Variants in PAG1 observed in about 807,000 individuals in gnomAD.
PAG1 encodes the protein phosphoprotein associated with glycosphingolipid-enriched microdomains 1.
In PAG1, 23 loss-of-function variants were observed where a neutral mutation model predicts 31.7. The observed-to-expected ratio is 0.73, with a 90% CI of 0.52 to 1.03. PAG1 has a LOEUF of 1.03. Among genes scored for constraint, PAG1 ranks in the 50% least tolerant of loss-of-function variants. PAG1 has a pLI of 0.00. For synonymous variants in PAG1, 214 were observed against 210.3 expected (o/e 1.02, Z -0.15); for missense variants, 473 against 540.7 (o/e 0.87, Z 1.24).
chr8:81,060,689 T>C (rs2130922105), intron 2 of PAG1, among the ~76,000 whole-genome samples: 1 of 152,338 alleles, frequency 6.6e-6, no homozygotes, highest in South Asian at 2.1e-4. Flanking sequence ...CTCTATATTA[T>C]TGAAAATCAA....
intron 7 of PAG1, among the ~76,000 whole-genome samples, chr8:80,984,382 G>C (rs1807370580): frequency 6.6e-6 from 1 of 152,132 alleles, no homozygotes; most frequent in African/African-American, 2.4e-5. Flanking sequence ...TATGCATGCT[G>C]ATTTTTGGGG....
At chr8:81,107,381 T>C (rs772945472) in intron 1 of PAG1, among the ~76,000 whole-genome samples, 1 of 152,210 alleles carries the variant, frequency 6.6e-6, no homozygotes, top group Non-Finnish European at 1.5e-5. Flanking sequence ...ATCTATATTA[T>C]GTAATATATA....
At chr8:81,009,063 AC>A (rs1340803249) in intron 3 of PAG1, among the ~76,000 whole-genome samples, 2 of 152,214 alleles carry the variant, frequency 1.3e-5, no homozygotes, top group Admixed American at 6.5e-5. Flanking sequence ...AACTACACAT[AC>A]AAAAATCATA....
In PAG1 at chr8:80,976,253, A is replaced by G. The variant is rs138425945; in HGVS notation, c.*291T>C. 2.7e-4 allele frequency: 94 copies of G among 346,630 alleles called. No individual in the cohort carries two copies. The highest frequency in any genetic ancestry group is 1.9e-3 in the African/African-American group (88 of 47,234). 21.5% of individuals were successfully genotyped at this position (346,630 alleles called of 1,614,324 possible). On this transcript the variant is annotated 3_prime_UTR_variant, in exon 9 of 9. Transcript: ENST00000220597. Reference sequence around the variant, plus strand: ...CAGCTTGGCTTTCCTCACTAATGAGATGAGACCACTGACAGCTGGGATCTT... The same window carrying G: ...CAGCTTGGCTTTCCTCACTAATGAGGTGAGACCACTGACAGCTGGGATCTT...
chr8:81,056,868 T>C (rs572263749), intron 2 of PAG1, among the ~76,000 whole-genome samples: 129 of 152,044 alleles, frequency 8.5e-4, no homozygotes, highest in Non-Finnish European at 1.5e-3. Flanking sequence ...CAAAGAAATT[T>C]ACAAGAAAAA....
chr8:80,982,535 G>A (rs776985891), intron 7 of PAG1, among the ~76,000 whole-genome samples: 2 of 152,128 alleles, frequency 1.3e-5, no homozygotes, highest in Non-Finnish European at 2.9e-5. Flanking sequence ...CCAATCTCAT[G>A]ACTTTTAAAA....
chr8:81,007,288 T>C (rs976712337), intron 3 of PAG1, among the ~76,000 whole-genome samples: 2 of 151,966 alleles, frequency 1.3e-5, no homozygotes, highest in Admixed American at 6.6e-5. Flanking sequence ...AAAAGAAACA[T>C]GGATCTCATG....
At chr8:81,072,537 T>C (rs911321979) in intron 1 of PAG1, among the ~76,000 whole-genome samples, 4 of 152,296 alleles carry the variant, frequency 2.6e-5, no homozygotes, top group African/African-American at 4.8e-5. Context: ...AAATGAATGA[T>C]GACTTATTAA....
intron 1 of PAG1, among the ~76,000 whole-genome samples, chr8:81,097,343 A>G (rs769385576): frequency 2.0e-5 from 3 of 152,202 alleles, no homozygotes; most frequent in Non-Finnish European, 2.9e-5. Flanking sequence ...TGCGGCAGCA[A>G]TAAGGTGAGG....
intron 2 of PAG1, among the ~76,000 whole-genome samples, chr8:81,061,205 T>A (rs1325170992): frequency 2.0e-5 from 3 of 151,866 alleles, no homozygotes; most frequent in Non-Finnish European, 4.4e-5. Flanking sequence ...CTCACGGGGG[T>A]AAATTAAATA....
rs974554596 is a variant in PAG1 at position 80,974,307 on chromosome 8, T to C, written c.*2237A>G. On this transcript the variant is annotated 3_prime_UTR_variant, in exon 9 of 9. Transcript: ENST00000220597. ...ACAATGCTAGGTGTGTAAGATGACA[T>C]GGCTGTTACCATGTACTAAAGAACC... is the stretch of plus-strand genomic sequence containing the variant. The C allele has an allele frequency of 5.3e-5, 8 of 152,304 alleles. No individual in the cohort carries two copies. The highest frequency in any genetic ancestry group is 1.2e-4 in the Non-Finnish European group (8 of 68,022). The allele number at this position is 152,304 out of a possible 1,614,324, so 9.4% of individuals were successfully genotyped here.
At chr8:81,000,772 A>G (rs1297623550) in intron 3 of PAG1, among the ~76,000 whole-genome samples, 1 of 152,184 alleles carries the variant, frequency 6.6e-6, no homozygotes, top group Non-Finnish European at 1.5e-5. Context: ...TGGAATGAAC[A>G]CAGCCATCTG....
rs188914556 is a variant in PAG1, at chr8:80,987,674, T to C, written c.178-208A>G. 198 of 492,512 alleles carry C rather than the reference T, an allele frequency of 4.0e-4. 2 individuals are homozygous for C. The highest frequency in any genetic ancestry group is 3.1e-3 in the African/African-American group (158 of 51,512). 30.5% of individuals were successfully genotyped at this position (492,512 alleles called of 1,614,324 possible). Reference sequence around the variant, plus strand: ...TAAAACCATGAGTAGTACTGAACCCTATATAGACTATGTCTTTTCCTATCC... The same window carrying C: ...TAAAACCATGAGTAGTACTGAACCCCATATAGACTATGTCTTTTCCTATCC... On this transcript the variant is annotated intron_variant, in intron 5 of 8. Coordinates refer to ENST00000220597, the MANE Select transcript of PAG1 (RefSeq NM_018440.4).
chr8:80,986,728 A>G (rs527444919), intron 6 of PAG1, among the ~76,000 whole-genome samples: 1 of 148,178 alleles, frequency 6.7e-6, no homozygotes, highest in African/African-American at 2.5e-5. Context: ...TGTTAATTAG[A>G]TGACTCCCGG....
intron 3 of PAG1, among the ~76,000 whole-genome samples, chr8:81,018,035 AT>A (rs1563631060): frequency 2.0e-5 from 3 of 152,224 alleles, no homozygotes; most frequent in Non-Finnish European, 4.4e-5. Flanking sequence ...ATAATTTCTT[AT>A]AAAGGACAAT....
rs915517219 is a variant in PAG1, at chr8:81,017,543, T to C, written c.-81+12453A>G. ...AATCAGGACAAACTCTCCTGGTATTTGTAGGATGGAGACTTAGGGCAAGCA... is the reference window on the plus strand; with the variant it reads ...AATCAGGACAAACTCTCCTGGTATTCGTAGGATGGAGACTTAGGGCAAGCA... On this transcript the variant is annotated intron_variant, in intron 3 of 8. Coordinates refer to ENST00000220597, the MANE Select transcript of PAG1 (RefSeq NM_018440.4). 3.3e-5 allele frequency among the ~76,000 whole-genome samples: 5 copies of C among 152,344 alleles called. No individual in the cohort carries two copies. The South Asian group carries it at 1.0e-3, about 32-fold the overall frequency.
intron 1 of PAG1, among the ~76,000 whole-genome samples, chr8:81,070,487 T>C (rs1488046292): frequency 6.6e-6 from 1 of 152,336 alleles, no homozygotes; most frequent in East Asian, 1.9e-4. Context: ...GTTTTAATCA[T>C]TGCTGCCTTC....
chr8:81,063,109 A>C (rs866497259), intron 2 of PAG1, among the ~76,000 whole-genome samples: 1 of 152,200 alleles, frequency 6.6e-6, no homozygotes, highest in Non-Finnish European at 1.5e-5. Context: ...TGGAATTTAA[A>C]TATCTAAAAT....
intron 1 of PAG1, among the ~76,000 whole-genome samples, chr8:81,084,358 C>T (rs1255540632): frequency 6.6e-6 from 1 of 151,654 alleles, no homozygotes; most frequent in Non-Finnish European, 1.5e-5. Context: ...AAGGCTGCAT[C>T]CAATAGTAGC....
Sources: gnomAD v4.1 joint callset for allele counts (sites outside exome capture counted in the v4.1 genomes callset) on GRCh38, gnomAD v4.1.1 for gene constraint, MANE v1.5 for transcripts, NCBI Gene and HGNC (gene_info 2026-07-23, HGNC 2026-07-21) for gene names.